Variants in CHAC2 observed in about 807,000 individuals in gnomAD.
CHAC2 encodes the protein ChaC glutathione specific gamma-glutamylcyclotransferase 2.
CHAC2 carries 20 observed loss-of-function variants against 16.9 expected under a neutral mutation model. The observed-to-expected ratio is 1.18, with a 90% CI of 0.83 to 1.72. CHAC2 has a LOEUF of 1.72. Among genes scored for constraint, CHAC2 ranks in the 40% most tolerant of loss-of-function variants. The pLI is 0.00. For missense variants in CHAC2, 269 were observed against 222.2 expected (o/e 1.21, Z -1.34); for synonymous variants, 91 against 77.3 (o/e 1.18, Z -0.93).
intron 2 of CHAC2, among the ~76,000 whole-genome samples, chr2:53,772,455 T>G (rs922239748): frequency 6.6e-6 from 1 of 152,148 alleles, no homozygotes; most frequent in Non-Finnish European, 1.5e-5. Flanking sequence ...ATTACAGGCA[T>G]GAGCCACCGC....
intron 1 of CHAC2, chr2:53,768,233 G>T: frequency 1.8e-6 from 1 of 563,224 alleles, no homozygotes; most frequent in Non-Finnish European, 3.0e-6. Context: ...TTAAGATGCC[G>T]GTGGTTAGTC....
intron 1 of CHAC2, among the ~76,000 whole-genome samples, chr2:53,769,538 G>A (rs1378046026): frequency 1.3e-5 from 2 of 152,204 alleles, no homozygotes; most frequent in African/African-American, 2.4e-5. Context: ...ACAACAGTCC[G>A]TGATTCTTTA....
At chr2:53,771,236 C>A (rs1187225207) in intron 1 of CHAC2, among the ~76,000 whole-genome samples, 1 of 152,062 alleles carries the variant, frequency 6.6e-6, no homozygotes. Context: ...AACTATAGGC[C>A]GGGTGCGGTG....
intron 1 of CHAC2, 121 bp downstream of exon 1, chr2:53,768,142 C>A: frequency 1.8e-6 from 2 of 1,137,676 alleles, no homozygotes; most frequent in Non-Finnish European, 2.4e-6. Context: ...AAGCACATGG[C>A]TTGGGGTAAC....
chr2:53,773,499 C>T (rs1440677809), intron 2 of CHAC2, among the ~76,000 whole-genome samples: 2 of 152,036 alleles, frequency 1.3e-5, no homozygotes, highest in Non-Finnish European at 2.9e-5. Flanking sequence ...GGCATGATCT[C>T]GGCTCACTGC....
chr2:53,772,881 C>A (rs769402814), intron 2 of CHAC2, among the ~76,000 whole-genome samples: 2 of 152,082 alleles, frequency 1.3e-5, no homozygotes, highest in East Asian at 3.9e-4. Context: ...TCCACCCTCC[C>A]GTAGACCCCA....
In CHAC2 at chr2:53,774,389, G is replaced by C. The variant is rs750822548; in HGVS notation, c.419G>C (p.Arg140Thr). The change falls in exon 3 of 3, where the codon AGA (arginine) becomes ACA (threonine). Residue 140 changes from arginine (R) to threonine (T), a missense_variant. Coordinates refer to ENST00000295304, the MANE Select transcript of CHAC2 (RefSeq NM_001008708.4). ...QIFNAAGPSG[R>T]NTEYLFELAN... ...TTTAATGCAGCTGGTCCAAGTGGAA[G>C]AAATACAGAATATCTTTTTGAACTT... is the stretch of plus-strand genomic sequence containing the variant. The C allele has an allele frequency of 5.6e-6, 9 of 1,613,436 alleles. No homozygotes were observed. Among genetic ancestry groups the C allele is most frequent in the East Asian group, 4.5e-5 (2 of 44,844 alleles).
In CHAC2 at chr2:53,768,013, C is replaced by T; in HGVS notation, c.127C>T (p.Pro43Ser). The T allele has an allele frequency of 6.2e-7, 1 of 1,613,536 alleles. No homozygotes were observed. Reference protein sequence around the residue: ...WQGSTDHRGVPGKPGRVVTLV... With the variant: ...WQGSTDHRGVSGKPGRVVTLV... ...GGGCAGCACGGACCACCGCGGGGTCCCCGGCAAGGTGAGGCGCCGGTCAGC... is the reference window on the plus strand; with the variant it reads ...GGGCAGCACGGACCACCGCGGGGTCTCCGGCAAGGTGAGGCGCCGGTCAGC... The change falls in exon 1 of 3, where the codon CCC becomes TCC. Residue 43 changes from proline to serine, a missense_variant. By Grantham distance (74) the Pro-to-Ser change is moderately conservative. Coordinates refer to ENST00000295304, the MANE Select transcript of CHAC2 (RefSeq NM_001008708.4).
chr2:53,768,991 G>C (rs1321881797), intron 1 of CHAC2, among the ~76,000 whole-genome samples: 1 of 152,214 alleles, frequency 6.6e-6, no homozygotes, highest in Non-Finnish European at 1.5e-5. Context: ...ACCTGAATTA[G>C]AAACCATTCT....
intron 1 of CHAC2, among the ~76,000 whole-genome samples, chr2:53,771,102 T>C (rs1242462991): frequency 6.6e-6 from 1 of 152,202 alleles, no homozygotes; most frequent in African/African-American, 2.4e-5. Context: ...TCAAAAACTC[T>C]GGAGGTGTGG....
intron 2 of CHAC2, 108 bp downstream of exon 2, chr2:53,772,050 AT>A: frequency 1.5e-6 from 1 of 669,352 alleles, no homozygotes; most frequent in Non-Finnish European, 2.5e-6. Flanking sequence ...ACTACCCTAA[AT>A]TTAGAATTCT....
rs199814886 is a variant in CHAC2 at position 53,767,842 on chromosome 2, G to C, written c.-45G>C. The stretch of plus-strand genomic sequence containing the variant: ...AGGCTTCAGTCCCCGGCGGCGCGGC[G>C]ACAGCTAGGGTTCACGGCCACTGGG... On this transcript the variant is annotated 5_prime_UTR_variant, in exon 1 of 3. Coordinates refer to ENST00000295304, the MANE Select transcript of CHAC2 (RefSeq NM_001008708.4). 1,264 of 1,565,826 alleles carry C rather than the reference G, an allele frequency of 8.1e-4. No homozygotes were observed. Among genetic ancestry groups the C allele is most frequent in the Non-Finnish European group, 1.0e-3 (1,176 of 1,153,164 alleles).
chr2:53,773,121 C>T (rs964305834), intron 2 of CHAC2, among the ~76,000 whole-genome samples: 5 of 152,034 alleles, frequency 3.3e-5, no homozygotes, highest in African/African-American at 9.7e-5. Flanking sequence ...ATAATTGATA[C>T]TACGAAAAGC....
chr2:53,771,018 C>A (rs1254276609), intron 1 of CHAC2, among the ~76,000 whole-genome samples: 1 of 152,092 alleles, frequency 6.6e-6, no homozygotes, highest in Non-Finnish European at 1.5e-5. Flanking sequence ...AAGTATGAGC[C>A]CCAGAACAAT....
At chr2:53,772,219 G>C (rs571189114) in intron 2 of CHAC2, among the ~76,000 whole-genome samples, 206 of 152,182 alleles carry the variant, frequency 1.4e-3, no homozygotes, top group Non-Finnish European at 2.5e-3. Context: ...CTGTCGCCCA[G>C]GCTGGAGTGC....
chr2:53,774,335 C>T lies in CHAC2; in HGVS notation c.365C>T (p.Ala122Val), dbSNP rs377090726. 1.2e-6 allele frequency: 2 copies of T among 1,613,542 alleles called. No individual in the cohort carries two copies. Among genetic ancestry groups the T allele is most frequent in the Non-Finnish European group, 1.7e-6 (2 of 1,179,838 alleles). Residue 122 changes from alanine to valine, a missense_variant, in exon 3 of 3, where the codon GCA (alanine) becomes GTA (valine). Transcript: ENST00000295304. The part of the protein sequence containing the change: ...TCDNPDYLGP[A>V]PLEDIAEQIF... ...GATAATCCTGATTATCTTGGTCCTG[C>T]ACCTCTGGAAGACATTGCTGAACAA...
At chr2:53,770,251 TAA>T (rs1257477243) in intron 1 of CHAC2, among the ~76,000 whole-genome samples, 1 of 152,128 alleles carries the variant, frequency 6.6e-6, no homozygotes, top group African/African-American at 2.4e-5. Flanking sequence ...ACAGGAAAAT[TAA>T]ATGAGAAATC....
At chr2:53,773,699 T>G (rs1334084031) in intron 2 of CHAC2, among the ~76,000 whole-genome samples, 2 of 151,332 alleles carry the variant, frequency 1.3e-5, no homozygotes, top group African/African-American at 2.4e-5. Flanking sequence ...AAAGTGCTGG[T>G]ATTACAGGCG....
chr2:53,774,059 A>G (rs1674149323), intron 2 of CHAC2, 83 bp from the exon 3 acceptor site: 1 of 1,345,432 alleles, frequency 7.4e-7, no homozygotes, highest in Admixed American at 2.3e-5. Context: ...AGAATATATG[A>G]GATACTCCCT....
Sources: allele counts gnomAD v4.1 joint callset (sites outside exome capture counted in the v4.1 genomes callset), GRCh38; gene constraint gnomAD v4.1.1; transcripts MANE v1.5; gene names NCBI Gene and HGNC (gene_info 2026-07-23, HGNC 2026-07-21).